The following YBEY variants were observed in gnomAD, a reference collection of about 807,000 sequenced individuals.
YBEY encodes the protein endoribonuclease YbeY.
Under a neutral mutation model 13.5 loss-of-function variants are expected in YBEY, and 15 were observed. The ratio of observed to expected loss-of-function variants is 1.11; its 90% CI spans 0.75 to 1.72. The LOEUF (loss-of-function observed/expected upper bound fraction) is 1.72. Ranked by LOEUF, YBEY falls within the 40% of genes most tolerant of loss-of-function variation. The probability of loss-of-function intolerance (pLI) is 0.00; values close to 1 mark genes in which losing one functional copy is unlikely to be tolerated. For synonymous variants in YBEY, 101 were observed against 83.1 expected, an observed-to-expected ratio of 1.21 and a Z score of -1.17; for missense variants, 244 against 208.4, an observed-to-expected ratio of 1.17 and a Z score of -1.05.
chr21:46,297,494 C>T (rs1307845578), intron 4 of YBEY, 45 bp from the exon 5 acceptor site: 62 of 1,337,858 alleles, frequency 4.6e-5, no homozygotes, highest in African/African-American at 6.1e-5. Flanking sequence ...GAGTGGGGCG[C>T]GGACACCTTC....
downstream of YBEY, among the ~76,000 whole-genome samples, chr21:46,298,142 G>C (rs1329735710): frequency 6.6e-6 from 1 of 152,226 alleles, no homozygotes; most frequent in East Asian, 1.9e-4. Flanking sequence ...CGGCGAGGCC[G>C]CCGAGCAGCA....
At chr21:46,299,255 G>A (rs565602332), downstream of YBEY, among the ~76,000 whole-genome samples, 2 of 152,144 alleles carry the variant, frequency 1.3e-5, no homozygotes, top group South Asian at 2.1e-4. Flanking sequence ...GGTGTGAGCC[G>A]CTGTGCCTGG....
At chr21:46,298,377 G>A (rs1485795258), downstream of YBEY, among the ~76,000 whole-genome samples, 1 of 151,686 alleles carries the variant, frequency 6.6e-6, no homozygotes, top group Non-Finnish European at 1.5e-5. Flanking sequence ...GTGAGACATA[G>A]CTTCATGTCG....
the YBEY span, among the ~76,000 whole-genome samples, chr21:46,304,865 C>G: frequency 1.1e-4 from 16 of 152,344 alleles, no homozygotes; most frequent in African/African-American, 3.8e-4. Context: ...TGTGGTCTAT[C>G]CATACAATGG....
intron 2 of YBEY, among the ~76,000 whole-genome samples, chr21:46,287,647 C>T (rs1167493538): frequency 6.6e-6 from 1 of 152,106 alleles, no homozygotes; most frequent in Non-Finnish European, 1.5e-5. Context: ...CTCCACTGAT[C>T]GAGGCCCATC....
chr21:46,296,010 G>A (rs1033260978), intron 3 of YBEY, 152 bp from the exon 4 acceptor site: 15 of 685,238 alleles, frequency 2.2e-5, no homozygotes, highest in East Asian at 2.1e-4. Context: ...GGGAACTGAA[G>A]CTGAGTGCCT....
At chr21:46,291,876 C>T (rs1401546928) in intron 3 of YBEY, 2 of 1,017,678 alleles carry the variant, frequency 2.0e-6, no homozygotes, top group African/African-American at 1.7e-5. Flanking sequence ...ACAGACAAAA[C>T]CAATTCACTG....
the YBEY span, among the ~76,000 whole-genome samples, chr21:46,309,140 G>A: frequency 0.02 from 3,112 of 152,132 alleles, 116 homozygotes; most frequent in African/African-American, 0.071. Context: ...CCAACATGGC[G>A]AAATCCCGTC....
At chr21:46,302,231 G>T, downstream of YBEY, 1 of 1,432,346 alleles carries the variant, frequency 7.0e-7, no homozygotes, top group Non-Finnish European at 9.1e-7. Context: ...TTCCTAACTG[G>T]GGCTGGATCC....
chr21:46,291,510 C>A (rs1217629010), intron 3 of YBEY, 48 bp downstream of exon 3: 1 of 1,606,792 alleles, frequency 6.2e-7, no homozygotes, highest in East Asian at 2.2e-5. Context: ...GGAACATGGG[C>A]CTTGCAAAGG....
At chr21:46,302,724 C>T (rs1439053051), downstream of YBEY, 9 of 641,432 alleles carry the variant, frequency 1.4e-5, no homozygotes, top group Admixed American at 7.9e-5. Context: ...GCACACGGTG[C>T]GGGTCCCCGG....
chr21:46,311,527 T>C, the YBEY span: 1 of 1,612,308 alleles, frequency 6.2e-7, no homozygotes, highest in Non-Finnish European at 8.5e-7. Flanking sequence ...GAGTGGCTGC[T>C]GAGGGAGCTG....
the YBEY span, chr21:46,313,180 A>G: frequency 1.6e-5 from 6 of 367,444 alleles, no homozygotes; most frequent in Non-Finnish European, 2.3e-5. Flanking sequence ...ACAATGTGGA[A>G]ACAAATGGGC....
At chr21:46,296,278 A>G in intron 4 of YBEY, 48 bp downstream of exon 4, 1 of 1,602,750 alleles carries the variant, frequency 6.2e-7, no homozygotes, top group Non-Finnish European at 8.5e-7. Flanking sequence ...TGGGGGAAGG[A>G]GGCTCCCCCA....
chr21:46,297,807 C>G (rs1194573945), downstream of YBEY: 4 of 1,213,686 alleles, frequency 3.3e-6, no homozygotes, highest in East Asian at 1.3e-4. Context: ...GCCGTGGCAT[C>G]GAGAGGGCGT....
intron 4 of YBEY, 71 bp downstream of exon 4, chr21:46,296,301 C>T: frequency 1.3e-6 from 2 of 1,565,420 alleles, no homozygotes; most frequent in African/African-American, 1.4e-5. Context: ...CCCCTGCCAG[C>T]CCCCACCCTC....
At chr21:46,302,398 G>A, downstream of YBEY, 1 of 1,173,942 alleles carries the variant, frequency 8.5e-7, no homozygotes, top group Non-Finnish European at 1.2e-6. Flanking sequence ...TGCCCTTTCA[G>A]AGCTACACAG....
intron 3 of YBEY, chr21:46,292,291 G>A (rs575280523): frequency 1.3e-5 from 2 of 152,354 alleles, no homozygotes; most frequent in South Asian, 4.1e-4. Context: ...GAGCAGTAGG[G>A]AATTACAGCA....
the YBEY span, among the ~76,000 whole-genome samples, chr21:46,304,747 C>T: frequency 2.8e-4 from 42 of 152,222 alleles, no homozygotes; most frequent in East Asian, 7.9e-3. Flanking sequence ...CCTAGGCATG[C>T]GTTCCATTAG....
Sources: allele counts gnomAD v4.1 joint callset (sites outside exome capture counted in the v4.1 genomes callset), GRCh38; gene constraint gnomAD v4.1.1; transcripts MANE v1.5; gene names NCBI Gene and HGNC (gene_info 2026-07-23, HGNC 2026-07-21).